Variants in SGSM1 observed in about 807,000 individuals in gnomAD.
SGSM1 encodes small G protein signaling modulator 1.
SGSM1 carries 73 observed loss-of-function variants against 133.8 expected under a neutral mutation model. That is an observed-to-expected ratio of 0.55 (90% CI 0.45 to 0.66). The LOEUF (loss-of-function observed/expected upper bound fraction) is 0.66, where lower values mean the gene tolerates loss of function less well. SGSM1 is among the 30% of genes least tolerant of loss of function. SGSM1 has a pLI of 0.00. For missense variants in SGSM1, 1,213 were observed against 1,448.1 expected (o/e 0.84, Z 2.64); for synonymous variants, 563 against 573.0 (o/e 0.98, Z 0.25).
chr22:24,913,292 CA>C (rs35021919), intron 22 of SGSM1, among the ~76,000 whole-genome samples: 1,203 of 96,934 alleles, frequency 0.012, 14 homozygotes, highest in African/African-American at 0.046. Flanking sequence ...GACTCCATCT[CA>C]AAAAAAAAAA....
At chr22:24,924,146 C>T (rs1934109765) in intron 24 of SGSM1, 40 bp from the exon 25 acceptor site, 1 of 1,591,468 alleles carries the variant, frequency 6.3e-7, no homozygotes, top group African/African-American at 1.3e-5. Context: ...AGACTGGACA[C>T]AGAAGGAGGC....
At chr22:24,905,840 G>A (rs934912371) in intron 21 of SGSM1, among the ~76,000 whole-genome samples, 3 of 150,894 alleles carry the variant, frequency 2.0e-5, no homozygotes, top group African/African-American at 4.9e-5. Flanking sequence ...CCAATTCTTC[G>A]TGAACTCTTC....
chr22:24,848,834 G>T (rs1930294896), intron 4 of SGSM1, among the ~76,000 whole-genome samples: 1 of 152,234 alleles, frequency 6.6e-6, no homozygotes, highest in South Asian at 2.1e-4. Flanking sequence ...GATGAGAATG[G>T]CCCTTTCCTT....
chr22:24,836,311 C>G (rs1929424402), intron 2 of SGSM1, among the ~76,000 whole-genome samples: 1 of 152,188 alleles, frequency 6.6e-6, no homozygotes, highest in African/African-American at 2.4e-5. Context: ...GGATAGTATT[C>G]CATTGTGTGT....
Position 24,920,849 on chromosome 22 carries a change from G to A in SGSM1, c.3193+856G>A, listed in dbSNP as rs527348667. On this transcript the variant is annotated intron_variant, in intron 24 of 24. Coordinates refer to ENST00000400358, the MANE Select transcript of SGSM1 (RefSeq NM_001098497.3). The stretch of plus-strand genomic sequence containing the variant: ...AGAGAATGCACGATACCTTGGCCTC[G>A]CTTTGCCTACTGTTAGCATTTACAT... Among the ~76,000 whole-genome samples the A allele has an allele frequency of 2.1e-4, 32 of 152,156 alleles. 1 individual carries two copies. The South Asian group carries it at 5.2e-3, about 25-fold the overall frequency.
At chr22:24,867,264 A>C in intron 10 of SGSM1, 104 bp downstream of exon 10, 1 of 1,095,400 alleles carries the variant, frequency 9.1e-7, no homozygotes, top group Non-Finnish European at 1.4e-6. Flanking sequence ...GATATGGTGG[A>C]CACCCCATGT....
At chr22:24,856,057 C>T in intron 8 of SGSM1, 1 of 401,806 alleles carries the variant, frequency 2.5e-6, no homozygotes, top group Non-Finnish European at 4.9e-6. Context: ...ATCTATCCAT[C>T]CATCCATTTG....
At chr22:24,879,676 C>G (rs1367177028) in intron 14 of SGSM1, 150 bp downstream of exon 14, 4 of 791,500 alleles carry the variant, frequency 5.1e-6, no homozygotes, top group Non-Finnish European at 5.9e-6. Context: ...GTTACATGAA[C>G]TTCTCTGAGC....
intron 2 of SGSM1, among the ~76,000 whole-genome samples, chr22:24,836,545 G>A (rs1228391257): frequency 2.0e-5 from 3 of 152,242 alleles, no homozygotes; most frequent in African/African-American, 7.2e-5. Flanking sequence ...TACCATAGCA[G>A]CTGCACCATT....
intron 2 of SGSM1, among the ~76,000 whole-genome samples, chr22:24,820,451 G>A (rs1455300067): frequency 6.6e-6 from 1 of 152,208 alleles, no homozygotes; most frequent in Non-Finnish European, 1.5e-5. Context: ...CAAGTTAGCG[G>A]TGTTTGCTTC....
In SGSM1 at chr22:24,893,578, C is replaced by G; in HGVS notation, c.1918C>G (p.Arg640Gly). ...GGCCAGCTTGGACAGCCACCTGCAC[C>G]GGATGTTGCACAGGGACTCAACCAT... Reference protein sequence around the residue: ...SGASLDSHLHRMLHRDSTISN... With the variant: ...SGASLDSHLHGMLHRDSTISN... Residue 640 changes from arginine (R) to glycine (G), a missense_variant, in exon 17 of 25, where the codon CGG (arginine) becomes GGG (glycine). Coordinates refer to ENST00000400358, the MANE Select transcript of SGSM1 (RefSeq NM_001098497.3). The G allele has an allele frequency of 1.9e-6, 3 of 1,590,870 alleles. No homozygotes were observed.
chr22:24,872,789 CAT>C (rs951425731), intron 12 of SGSM1, among the ~76,000 whole-genome samples: 8 of 152,028 alleles, frequency 5.3e-5, no homozygotes, highest in African/African-American at 1.9e-4. Flanking sequence ...CGTGGTGGCA[CAT>C]GTCTGTAGTC....
intron 4 of SGSM1, among the ~76,000 whole-genome samples, chr22:24,848,514 G>A (rs1388258312): frequency 6.6e-6 from 1 of 152,116 alleles, no homozygotes; most frequent in African/African-American, 2.4e-5. Context: ...TGTTGGGGGA[G>A]GCTCATGGAC....
intron 2 of SGSM1, among the ~76,000 whole-genome samples, chr22:24,840,505 G>A (rs1356178083): frequency 6.6e-6 from 1 of 151,696 alleles, no homozygotes; most frequent in East Asian, 2.0e-4. Context: ...CATCATGTCC[G>A]GCTAATTTTT....
chr22:24,913,095 A>G (rs1346765225), intron 22 of SGSM1, among the ~76,000 whole-genome samples: 1 of 151,952 alleles, frequency 6.6e-6, no homozygotes, highest in Admixed American at 6.6e-5. Flanking sequence ...TTAGAAGTGC[A>G]AATTACTAAC....
chr22:24,822,705 A>T (rs1428579845), intron 2 of SGSM1, among the ~76,000 whole-genome samples: 1 of 152,170 alleles, frequency 6.6e-6, no homozygotes, highest in Non-Finnish European at 1.5e-5. Context: ...GGGAGCAGCA[A>T]GTTGGCTGTG....
intron 22 of SGSM1, among the ~76,000 whole-genome samples, chr22:24,915,253 T>TAAATAAAC (rs375854809): frequency 1.8e-4 from 25 of 139,560 alleles, no homozygotes; most frequent in African/African-American, 5.6e-4. Context: ...AATAAATAAA[T>TAAATAAAC]AAACAAACAG....
chr22:24,915,089 C>G (rs1933775619), intron 22 of SGSM1, among the ~76,000 whole-genome samples: 1 of 152,066 alleles, frequency 6.6e-6, no homozygotes, highest in South Asian at 2.1e-4. Context: ...ATTAGCTGGG[C>G]GCGGTGGCGG....
intron 2 of SGSM1, among the ~76,000 whole-genome samples, chr22:24,838,876 G>T (rs1325712671): frequency 1.3e-5 from 2 of 149,966 alleles, no homozygotes; most frequent in African/African-American, 4.9e-5. Flanking sequence ...GATAGTCAGG[G>T]TTCCATGAGA....
Sources: allele counts gnomAD v4.1 joint callset (sites outside exome capture counted in the v4.1 genomes callset), GRCh38; gene constraint gnomAD v4.1.1; transcripts MANE v1.5; gene names NCBI Gene and HGNC (gene_info 2026-07-23, HGNC 2026-07-21).